Variants in PLCB1 observed in about 807,000 individuals in gnomAD.
PLCB1 encodes 1-phosphatidylinositol 4,5-bisphosphate phosphodiesterase beta-1.
Under a neutral mutation model 161.8 loss-of-function variants are expected in PLCB1, and 46 were observed. The observed-to-expected ratio is 0.28, with a 90% confidence interval of 0.22 to 0.36. The LOEUF is 0.36. Among genes scored for constraint, PLCB1 ranks in the 10% least tolerant of loss-of-function variants. PLCB1 has a pLI of 1.00. For synonymous variants in PLCB1, 517 were observed against 503.7 expected (o/e 1.03, Z -0.35); for missense variants, 1,016 against 1,472.5 (o/e 0.69, Z 5.07).
At chr20:8,248,325 A>G (rs751637118) in intron 2 of PLCB1, among the ~76,000 whole-genome samples, 8 of 151,928 alleles carry the variant, frequency 5.3e-5, no homozygotes, top group African/African-American at 1.7e-4. Context: ...CCAGCTCTCC[A>G]TAGTGTTAGG....
chr20:8,547,531 C>A (rs1011148511), intron 3 of PLCB1, among the ~76,000 whole-genome samples: 1 of 150,308 alleles, frequency 6.7e-6, no homozygotes. Flanking sequence ...TTACCTCCCT[C>A]TTCCTCATTG....
chr20:8,266,839 G>A (rs1006987950), intron 2 of PLCB1, among the ~76,000 whole-genome samples: 1 of 152,158 alleles, frequency 6.6e-6, no homozygotes, highest in African/African-American at 2.4e-5. Flanking sequence ...AGGAGTTCGA[G>A]TCCAGCCTGG....
In PLCB1 at chr20:8,323,513, A is replaced by G. The variant is rs1159252118; in HGVS notation, c.178-47869A>G. The stretch of plus-strand genomic sequence containing the variant: ...CCCAAACAGCTGGGCATTGGTGTCT[A>G]TTCCTATAAACTCTCTCCTTATGGC... On this transcript the variant is annotated intron_variant, in intron 2 of 31. Transcript: ENST00000338037. 2.6e-5 allele frequency among the ~76,000 whole-genome samples: 4 copies of G among 152,260 alleles called. No homozygotes were observed. In the East Asian group the frequency reaches 5.8e-4, roughly 22 times the overall value.
chr20:8,218,130 A>G (rs893266705), intron 2 of PLCB1, among the ~76,000 whole-genome samples: 1 of 152,120 alleles, frequency 6.6e-6, no homozygotes, highest in Non-Finnish European at 1.5e-5. Context: ...CATGCTCTTC[A>G]TTATATATCC....
chr20:8,527,251 C>G (rs1056806210), intron 3 of PLCB1, among the ~76,000 whole-genome samples: 1 of 151,924 alleles, frequency 6.6e-6, no homozygotes, highest in Admixed American at 6.6e-5. Context: ...TTAAATAGCA[C>G]CTAGTATCCA....
intron 31 of PLCB1, among the ~76,000 whole-genome samples, chr20:8,850,244 C>G (rs1568624499): frequency 6.6e-6 from 1 of 152,152 alleles, no homozygotes; most frequent in Non-Finnish European, 1.5e-5. Context: ...CTAAAATGCT[C>G]AAAAATACCC....
chr20:8,500,191 T>C (rs1043035135), intron 3 of PLCB1, among the ~76,000 whole-genome samples: 1 of 152,128 alleles, frequency 6.6e-6, no homozygotes, highest in Non-Finnish European at 1.5e-5. Context: ...AATCAGTCCA[T>C]GAGGTAAAAG....
intron 31 of PLCB1, among the ~76,000 whole-genome samples, chr20:8,856,308 G>A (rs1987065712): frequency 1.3e-5 from 2 of 152,088 alleles, no homozygotes; most frequent in Admixed American, 1.3e-4. Flanking sequence ...GGACCATACT[G>A]AACCTATACT....
intron 2 of PLCB1, among the ~76,000 whole-genome samples, chr20:8,227,622 T>C (rs1198203064): frequency 6.6e-6 from 1 of 152,202 alleles, no homozygotes; most frequent in African/African-American, 2.4e-5. Context: ...ACCCACACTT[T>C]TACAAATTGC....
intron 2 of PLCB1, among the ~76,000 whole-genome samples, chr20:8,204,973 T>C (rs1328755653): frequency 1.3e-5 from 2 of 152,212 alleles, no homozygotes; most frequent in African/African-American, 2.4e-5. Flanking sequence ...TTAATCTTAT[T>C]CTGCTTTTGC....
chr20:8,572,326 G>C (rs1317201673), intron 3 of PLCB1, among the ~76,000 whole-genome samples: 1 of 152,138 alleles, frequency 6.6e-6, no homozygotes, highest in Non-Finnish European at 1.5e-5. Context: ...GGAAAGAAGG[G>C]GAACTCTGGG....
chr20:8,295,923 G>A (rs1373583069), intron 2 of PLCB1, among the ~76,000 whole-genome samples: 1 of 151,776 alleles, frequency 6.6e-6, no homozygotes, highest in African/African-American at 2.4e-5. Context: ...TTGTTGCCTA[G>A]GCTAGTCTCA....
Position 8,880,044 on chromosome 20 carries a change from C to T in PLCB1, c.3424-1578C>T, listed in dbSNP as rs1435623312. On this transcript the variant is annotated intron_variant, in intron 31 of 31. Coordinates refer to ENST00000338037, the MANE Select transcript of PLCB1 (RefSeq NM_015192.4). ...CAGGCCCCACTCAGGCCTCCTGAGT[C>T]GGACAGAATCAAGATCAAATTCCAG... Among the ~76,000 whole-genome samples, 4 of 152,182 alleles carry T rather than the reference C, an allele frequency of 2.6e-5. No homozygotes were observed. In the East Asian group the frequency reaches 7.7e-4, roughly 29 times the overall value.
chr20:8,209,913 A>G lies in PLCB1; in HGVS notation c.177+59542A>G, dbSNP rs559787569. Among the ~76,000 whole-genome samples, 28 of 152,204 alleles carry G rather than the reference A, an allele frequency of 1.8e-4. 1 individual carries two copies. In the South Asian group the frequency reaches 5.0e-3, roughly 27 times the overall value. ...AGTGCAGTGGAGCGATCCTAGCTCT[A>G]TATAACATTGAACTGCTGGGCACAA... On this transcript the variant is annotated intron_variant, in intron 2 of 31. Transcript: ENST00000338037.
At chr20:8,359,983 G>A (rs1986485294) in intron 2 of PLCB1, among the ~76,000 whole-genome samples, 1 of 152,190 alleles carries the variant, frequency 6.6e-6, no homozygotes, top group Non-Finnish European at 1.5e-5. Flanking sequence ...GATGCAAGGG[G>A]TTGTATACAA....
At chr20:8,766,033 A>G (rs1174660707) in intron 26 of PLCB1, among the ~76,000 whole-genome samples, 5 of 152,072 alleles carry the variant, frequency 3.3e-5, no homozygotes, top group African/African-American at 4.8e-5. Flanking sequence ...CCTGTCTGAA[A>G]TCCATAATGC....
intron 2 of PLCB1, among the ~76,000 whole-genome samples, chr20:8,265,539 G>GA (rs3830723): frequency 0.12 from 17,557 of 151,846 alleles, 1,279 homozygotes; most frequent in African/African-American, 0.19. Flanking sequence ...TTTATGCTTT[G>GA]AAAAAAATAT....
chr20:8,871,791 A>AT (rs1229314817), intron 31 of PLCB1, among the ~76,000 whole-genome samples: 9 of 152,170 alleles, frequency 5.9e-5, no homozygotes, highest in East Asian at 1.9e-4. Flanking sequence ...AGGACTTTAG[A>AT]TTTTTTTTGC....
At chr20:8,490,587 G>A (rs1436501918) in intron 3 of PLCB1, among the ~76,000 whole-genome samples, 2 of 152,158 alleles carry the variant, frequency 1.3e-5, no homozygotes, top group African/African-American at 4.8e-5. Context: ...TGTCCCACTA[G>A]CAGTGTATGA....
Sources: allele counts gnomAD v4.1 joint callset (sites outside exome capture counted in the v4.1 genomes callset), GRCh38; gene constraint gnomAD v4.1.1; transcripts MANE v1.5; gene names NCBI Gene and HGNC (gene_info 2026-07-23, HGNC 2026-07-21).